MBNL1: variants seen among roughly 807,000 people sequenced by gnomAD.
MBNL1 encodes muscleblind-like protein 1.
A neutral mutation model predicts 42.2 loss-of-function variants in MBNL1; 8 were observed. The ratio of observed to expected loss-of-function variants is 0.19; its 90% CI spans 0.11 to 0.34. MBNL1 has a LOEUF of 0.34. Among genes scored for constraint, MBNL1 ranks in the 10% least tolerant of loss-of-function variants. The pLI is 1.00. For missense variants in MBNL1, 309 were observed against 495.3 expected (o/e 0.62, Z 3.57); for synonymous variants, 169 against 173.9 (o/e 0.97, Z 0.22).
rs542132108 is a variant in MBNL1, at chr3:152,329,313, A to G, written c.174+28946A>G. Among the ~76,000 whole-genome samples the G allele has an allele frequency of 2.2e-4, 34 of 152,232 alleles. No homozygotes were observed. The South Asian group carries it at 6.6e-3, about 30-fold the overall frequency. On this transcript the variant is annotated intron_variant, in intron 2 of 9. Transcript: ENST00000324210. ...TGCCTGTTAAAATAAAAAGACTTAT[A>G]TTTACTCCTTTGTGGAGCTGAATTG... is the stretch of plus-strand genomic sequence containing the variant.
intron 2 of MBNL1, among the ~76,000 whole-genome samples, chr3:152,389,716 A>C (rs1195576956): frequency 6.6e-6 from 1 of 152,136 alleles, no homozygotes. Context: ...AACTTGCAGG[A>C]CTGGAAGTTG....
chr3:152,253,771 T>TTATTTGGGTCTC (rs1300888314), intron 2 of MBNL1, among the ~76,000 whole-genome samples: 1 of 152,116 alleles, frequency 6.6e-6, no homozygotes, highest in Non-Finnish European at 1.5e-5. Flanking sequence ...AACTTCTTCT[T>TTATTTGGGTCTC]TATTTGGGTC....
At chr3:152,310,822 G>C (rs115599274) in intron 2 of MBNL1, among the ~76,000 whole-genome samples, 222 of 152,054 alleles carry the variant, frequency 1.5e-3, no homozygotes, top group African/African-American at 3.7e-3. Context: ...AGACTGTTTG[G>C]GGGGGTTGGG....
At chr3:152,413,280 C>A (rs1472428926) in intron 2 of MBNL1, among the ~76,000 whole-genome samples, 1 of 152,150 alleles carries the variant, frequency 6.6e-6, no homozygotes. Context: ...CATCTTCATA[C>A]CAATGTTTTG....
chr3:152,332,694 G>T lies in MBNL1; in HGVS notation c.174+32327G>T, dbSNP rs185194797. On this transcript the variant is annotated intron_variant, in intron 2 of 9. Transcript: ENST00000324210. ...TTCTCTTTGAAGTTTTCATGGTTTT[G>T]TGTGTGTGTGTGTGTGTGTGTGTGT... Among the ~76,000 whole-genome samples the T allele has an allele frequency of 2.4e-4, 11 of 45,002 alleles. No homozygotes were observed. In the South Asian group the frequency reaches 3.7e-3, roughly 15 times the overall value. 29.5% of individuals were successfully genotyped at this position (45,002 alleles called of 152,430 possible). A position where few individuals can be genotyped will look rare whatever the true frequency, so the allele number is the denominator to read the frequency against.
rs543059755 is a variant in MBNL1, at chr3:152,277,289, A to G, written c.-790+8197A>G. The stretch of plus-strand genomic sequence containing the variant: ...TAAACATAATTTCAACGTTAGGCCT[A>G]TTTTGTTATTTGCTGAGAAATGTCT... On this transcript the variant is annotated intron_variant, in intron 1 of 9. Transcript: ENST00000324210. Among the ~76,000 whole-genome samples, 7 of 152,226 alleles carry G rather than the reference A, an allele frequency of 4.6e-5. No individual in the cohort carries two copies. In the South Asian group the frequency reaches 8.3e-4, roughly 18 times the overall value.
chr3:152,247,783 A>AT (rs2033470025), intron 2 of MBNL1, among the ~76,000 whole-genome samples: 1 of 151,466 alleles, frequency 6.6e-6, no homozygotes, highest in Admixed American at 6.6e-5. Flanking sequence ...TTTTTATTTA[A>AT]TTTTTTTGCT....
At position 152,375,019 on chromosome 3, in the gene MBNL1, T is replaced by C. The variant is rs538675092; in HGVS notation, c.175-39922T>C. Among the ~76,000 whole-genome samples, 4 of 152,342 alleles carry C rather than the reference T, an allele frequency of 2.6e-5. No homozygotes were observed. The East Asian group carries it at 7.7e-4, about 29-fold the overall frequency. On this transcript the variant is annotated intron_variant, in intron 2 of 9. Coordinates refer to ENST00000324210, the MANE Select transcript of MBNL1 (RefSeq NM_021038.5). ...ATTTTTTGTTTGCCTGTTTGCTTTT[T>C]TTTCGCGACAGACTCTTGTTATGTT...
At chr3:152,362,298 G>T (rs1350881088) in intron 2 of MBNL1, among the ~76,000 whole-genome samples, 1 of 152,174 alleles carries the variant, frequency 6.6e-6, no homozygotes, top group Non-Finnish European at 1.5e-5. Context: ...CCACTGGCAG[G>T]ATCAGCAGGC....
At position 152,403,564 on chromosome 3, in the gene MBNL1, T is replaced by C. The variant is rs149888429; in HGVS notation, c.175-11377T>C. 7.2e-3 allele frequency among the ~76,000 whole-genome samples: 1,094 copies of C among 152,304 alleles called. 11 individuals carry two copies. Among genetic ancestry groups the C allele is most frequent in the African/African-American group, 0.025 (1,039 of 41,552 alleles). On this transcript the variant is annotated intron_variant, in intron 2 of 9. Coordinates refer to ENST00000324210, the MANE Select transcript of MBNL1 (RefSeq NM_021038.5). ...TAAAAATTCTGAGACTTTTCTATTT[T>C]ATTCTCAGTGGTAATTTTTAGGTAG...
intron 2 of MBNL1, among the ~76,000 whole-genome samples, chr3:152,343,293 C>T (rs79281065): frequency 0.031 from 4,695 of 152,172 alleles, 239 homozygotes; most frequent in African/African-American, 0.11. Context: ...CCCAAACCAA[C>T]GGTTGGGACT....
intron 3 of MBNL1, among the ~76,000 whole-genome samples, chr3:152,415,726 T>G (rs1378251029): frequency 1.3e-5 from 2 of 152,188 alleles, no homozygotes; most frequent in Non-Finnish European, 2.9e-5. Context: ...GAGCTAAAGT[T>G]GAAAAACTGG....
At chr3:152,290,301 G>GT (rs932223830) in intron 1 of MBNL1, among the ~76,000 whole-genome samples, 69 of 150,918 alleles carry the variant, frequency 4.6e-4, no homozygotes, top group Admixed American at 1.3e-3. Context: ...TTTTGGGCAG[G>GT]TTTTTTTTTA....
chr3:152,382,700 A>C (rs2097232135), intron 2 of MBNL1, among the ~76,000 whole-genome samples: 1 of 152,136 alleles, frequency 6.6e-6, no homozygotes, highest in Admixed American at 6.6e-5. Flanking sequence ...GGAGTTGAAT[A>C]GGTTTCTTTC....
chr3:152,339,844 C>G (rs2092647825), intron 2 of MBNL1: 1 of 151,996 alleles, frequency 6.6e-6, no homozygotes, highest in Non-Finnish European at 1.5e-5. Flanking sequence ...TTTCATTTAA[C>G]ATAATTTCAG....
At chr3:152,363,088 A>G (rs902134670) in intron 2 of MBNL1, among the ~76,000 whole-genome samples, 11 of 152,184 alleles carry the variant, frequency 7.2e-5, no homozygotes, top group Admixed American at 6.5e-5. Flanking sequence ...ACATAATAAT[A>G]GGAGAAATAG....
At chr3:152,453,620 A>G (rs1727895345) in intron 6 of MBNL1, among the ~76,000 whole-genome samples, 1 of 152,208 alleles carries the variant, frequency 6.6e-6, no homozygotes, top group African/African-American at 2.4e-5. Flanking sequence ...TGGGTCCTAC[A>G]GCATTATGTC....
chr3:152,419,783 G>C lies in MBNL1; in HGVS notation c.345+4672G>C, dbSNP rs9882232. On this transcript the variant is annotated intron_variant, in intron 3 of 9. Coordinates refer to ENST00000324210, the MANE Select transcript of MBNL1 (RefSeq NM_021038.5). ...ACAGAACCGTTCACTCCCCTGGAAA[G>C]AGGGCTGAAGCCAGGGAGCCAAGTG... is the stretch of plus-strand genomic sequence containing the variant. 1.4e-4 allele frequency among the ~76,000 whole-genome samples: 21 copies of C among 152,108 alleles called. 1 individual carries two copies.
In MBNL1 at chr3:152,367,235, T is replaced by A. The variant is rs2096436272; in HGVS notation, c.175-47706T>A. Among the ~76,000 whole-genome samples, 4 of 150,216 alleles carry A rather than the reference T, an allele frequency of 2.7e-5. No homozygotes were observed. The South Asian group carries it at 8.6e-4, about 32-fold the overall frequency. On this transcript the variant is annotated intron_variant, in intron 2 of 9. Coordinates refer to ENST00000324210, the MANE Select transcript of MBNL1 (RefSeq NM_021038.5). ...ATGTTCCCCTCCCTGTGTTCATGTGTTCTCATTGTTCAACTCCCACTTATG... is the reference window on the plus strand; with the variant it reads ...ATGTTCCCCTCCCTGTGTTCATGTGATCTCATTGTTCAACTCCCACTTATG...
Sources: gnomAD v4.1 joint callset for allele counts (sites outside exome capture counted in the v4.1 genomes callset) on GRCh38, gnomAD v4.1.1 for gene constraint, MANE v1.5 for transcripts, NCBI Gene and HGNC (gene_info 2026-07-23, HGNC 2026-07-21) for gene names.